The following NIPBL variants were observed in gnomAD, a reference collection of about 807,000 sequenced individuals.
NIPBL encodes the protein NIPBL cohesin loading factor, also known as nipped-B-like protein.
In NIPBL, 19 loss-of-function variants were observed where a neutral mutation model predicts 321.8. That is an observed-to-expected ratio of 0.06 (90% CI 0.04 to 0.09). The LOEUF is 0.09. Among genes scored for constraint, NIPBL ranks in the 10% least tolerant of loss-of-function variants. The probability of loss-of-function intolerance (pLI) is 1.00; values close to 1 mark genes in which losing one functional copy is unlikely to be tolerated. For missense variants in NIPBL, 2,210 were observed against 3,327.0 expected (o/e 0.66, Z 8.26); for synonymous variants, 1,106 against 1,114.1 (o/e 0.99, Z 0.14).
At position 37,022,095 on chromosome 5, in the gene NIPBL, A is replaced by G. The variant is rs1455902491; in HGVS notation, c.5373A>G (p.Lys1791=). Residue 1791 remains lysine, a synonymous_variant, in exon 28 of 47, where the codon AAA becomes AAG. Coordinates refer to ENST00000282516, the MANE Select transcript of NIPBL (RefSeq NM_133433.4). ...AAAATGCAATTGCTGTTCGAACAAAAGCCATGAAGTGTTTGTCTGAGGTTG... is the reference window on the plus strand; with the variant it reads ...AAAATGCAATTGCTGTTCGAACAAAGGCCATGAAGTGTTTGTCTGAGGTTG... The part of the protein sequence containing the change: ...LGENAIAVRT[K]AMKCLSEVVA... The G allele has an allele frequency of 3.1e-6, 5 of 1,614,080 alleles. No homozygotes were observed. Among genetic ancestry groups the G allele is most frequent in the Non-Finnish European group, 4.2e-6 (5 of 1,180,034 alleles).
intron 45 of NIPBL, 138 bp downstream of exon 45, chr5:37,061,156 CT>C (rs1220445256): frequency 1.5e-6 from 1 of 675,228 alleles, no homozygotes; most frequent in Non-Finnish European, 2.5e-6. Context: ...TTTTCTCTAT[CT>C]TATTTTAATG....
intron 1 of NIPBL, among the ~76,000 whole-genome samples, chr5:36,949,538 C>T (rs1561065905): frequency 1.3e-5 from 2 of 151,770 alleles, no homozygotes; most frequent in East Asian, 1.9e-4. Context: ...AAGTGCTGAG[C>T]AAACATGAGT....
intron 21 of NIPBL, among the ~76,000 whole-genome samples, chr5:37,013,327 CGGCTGGCCGGGCGGGG>C (rs1253309840): frequency 6.0e-5 from 9 of 150,672 alleles, no homozygotes; most frequent in Admixed American, 2.6e-4. Flanking sequence ...CCGGACGGGG[CGGCTGGCCGGGCGGGG>C]GGCTGACCCC....
At chr5:37,015,078 G>A (rs1376208315) in intron 22 of NIPBL, among the ~76,000 whole-genome samples, 1 of 151,364 alleles carries the variant, frequency 6.6e-6, no homozygotes, top group African/African-American at 2.4e-5. Flanking sequence ...TAGTGTACCT[G>A]AATAGGAAAG....
At position 37,024,571 on chromosome 5, in the gene NIPBL, C is replaced by T. The variant is rs1272790200; in HGVS notation, c.5575-14C>T. On this transcript the variant is annotated splice_polypyrimidine_tract_variant and intron_variant, in intron 29 of 46. Transcript: ENST00000282516. ...CAATTTTTCTGACTCTTAAAAATAC[C>T]TTTCTGTTTTTAGGATACTGGTATC... The T allele has an allele frequency of 6.3e-7, 1 of 1,591,610 alleles. No homozygotes were observed. Among genetic ancestry groups the T allele is most frequent in the Non-Finnish European group, 8.6e-7 (1 of 1,163,194 alleles).
At chr5:36,898,002 A>C (rs1040577396) in intron 1 of NIPBL, among the ~76,000 whole-genome samples, 24 of 152,146 alleles carry the variant, frequency 1.6e-4, no homozygotes, top group African/African-American at 5.6e-4. Flanking sequence ...GATTAGGAAC[A>C]AAAGAGGAAA....
chr5:36,891,382 TA>T (rs1554056511), intron 1 of NIPBL, among the ~76,000 whole-genome samples: 7 of 152,210 alleles, frequency 4.6e-5, no homozygotes, highest in Non-Finnish European at 8.8e-5. Flanking sequence ...ATGATCAAGA[TA>T]AACAAGGTGC....
intron 4 of NIPBL, among the ~76,000 whole-genome samples, chr5:36,959,629 T>C (rs1741375002): frequency 6.6e-6 from 1 of 152,170 alleles, no homozygotes; most frequent in African/African-American, 2.4e-5. Context: ...GTAGGAGTAT[T>C]AGTTTTATGA....
rs141927128 is a variant in NIPBL at position 36,971,970 on chromosome 5, A to T, written c.797A>T (p.Asn266Ile). The stretch of plus-strand genomic sequence containing the variant: ...GATGGAGATTCTTCAACAATGAGGA[A>T]TGCTGCATCTTTTCCCTTGAGATCT... ...SDDGDSSTMR[N>I]AASFPLRSPQ... The change falls in exon 8 of 47, where the codon AAT (asparagine) becomes ATT (isoleucine). Residue 266 changes from asparagine to isoleucine, a missense_variant. By Grantham distance (149) the Asn-to-Ile change is moderately radical. Coordinates refer to ENST00000282516, the MANE Select transcript of NIPBL (RefSeq NM_133433.4). 1.2e-6 allele frequency: 2 copies of T among 1,612,100 alleles called. No individual in the cohort carries two copies. Among genetic ancestry groups the T allele is most frequent in the Non-Finnish European group, 1.7e-6 (2 of 1,178,952 alleles).
At chr5:37,003,188 T>C (rs1580443896) in intron 15 of NIPBL, 73 bp from the exon 16 acceptor site, 2 of 905,778 alleles carry the variant, frequency 2.2e-6, no homozygotes, top group East Asian at 2.4e-5. Flanking sequence ...AAGGGAATAA[T>C]TGTACAGATT....
chr5:36,972,139 A>G, intron 8 of NIPBL, 98 bp downstream of exon 8: 1 of 790,888 alleles, frequency 1.3e-6, no homozygotes, highest in Non-Finnish European at 2.1e-6. Context: ...GTTATTCTGT[A>G]TTTTTTTTTC....
At position 36,975,650 on chromosome 5, in the gene NIPBL, G is replaced by T. The variant is rs1399103789; in HGVS notation, c.869-126G>T. 5.4e-6 allele frequency: 5 copies of T among 927,002 alleles called. No homozygotes were observed. The African/African-American group carries it at 8.5e-5, about 16-fold the overall frequency. The allele number at this position is 927,002 out of a possible 1,614,324, so 57.4% of individuals were successfully genotyped here. A position where few individuals can be genotyped will look rare whatever the true frequency, so the allele number is the denominator to read the frequency against. ...TCTTTTCATCTTTCGTAAATAAGTA[G>T]CTTGGATTATATAATTTCTTATTTT... On this transcript the variant is annotated intron_variant, in intron 8 of 46. Transcript: ENST00000282516.
chr5:36,927,090 T>G (rs1749422606), intron 1 of NIPBL, among the ~76,000 whole-genome samples: 1 of 152,220 alleles, frequency 6.6e-6, no homozygotes, highest in Admixed American at 6.5e-5. Context: ...TAATATTTGC[T>G]TTATGATTAA....
At chr5:36,888,413 T>C (rs1746076463) in intron 1 of NIPBL, among the ~76,000 whole-genome samples, 1 of 152,184 alleles carries the variant, frequency 6.6e-6, no homozygotes, top group African/African-American at 2.4e-5. Context: ...TGGAGTTGTA[T>C]ATTCATTTCA....
At position 37,000,427 on chromosome 5, in the gene NIPBL, G is replaced by A. The variant is rs1365989885; in HGVS notation, c.3359G>A (p.Arg1120His). 12 of 1,613,222 alleles carry A rather than the reference G, an allele frequency of 7.4e-6. No individual in the cohort carries two copies. Among genetic ancestry groups the A allele is most frequent in the East Asian group, 4.5e-5 (2 of 44,874 alleles). ...GATAAAGCTTGGGAATATGAAGAGC[G>A]TGACAGAAGAAGCTCTGGGGATCAT... Reference protein sequence around the residue: ...DDDKAWEYEERDRRSSGDHRR... With the variant: ...DDDKAWEYEEHDRRSSGDHRR... Residue 1120 changes from arginine to histidine, a missense_variant, in exon 12 of 47, where the codon CGT becomes CAT. Around this residue, in one of 14 missense-constraint regions of NIPBL, gnomAD observed 381 missense variants for 642.3 expected, o/e 0.59. Coordinates refer to ENST00000282516, the MANE Select transcript of NIPBL (RefSeq NM_133433.4).
chr5:37,061,252 A>AT (rs754737814), intron 45 of NIPBL, among the ~76,000 whole-genome samples: 43 of 152,296 alleles, frequency 2.8e-4, no homozygotes, highest in Non-Finnish European at 4.3e-4. Flanking sequence ...GAATAATTTT[A>AT]TTTTAGCAAA....
intron 4 of NIPBL, among the ~76,000 whole-genome samples, chr5:36,958,763 G>A (rs964619858): frequency 6.6e-6 from 1 of 152,058 alleles, no homozygotes; most frequent in Non-Finnish European, 1.5e-5. Context: ...ATGTAGTCAT[G>A]GAGTACCTTT....
At chr5:37,055,754 G>C (rs1455400250) in intron 42 of NIPBL, among the ~76,000 whole-genome samples, 2 of 152,074 alleles carry the variant, frequency 1.3e-5, no homozygotes, top group African/African-American at 4.8e-5. Flanking sequence ...GATGACTCAT[G>C]CTTGTAATCC....
intron 9 of NIPBL, among the ~76,000 whole-genome samples, chr5:36,978,843 G>A (rs369727797): frequency 5.7e-4 from 86 of 151,940 alleles, no homozygotes; most frequent in African/African-American, 1.9e-3. Flanking sequence ...ATTGAATAGC[G>A]TGTACTTTTT....
Sources: allele counts gnomAD v4.1 joint callset (sites outside exome capture counted in the v4.1 genomes callset), GRCh38; gene constraint gnomAD v4.1.1; regional missense constraint gnomAD v4.1.1; transcripts MANE v1.5; gene names NCBI Gene and HGNC (gene_info 2026-07-23, HGNC 2026-07-21).